The following TOPAZ1 variants were observed in gnomAD, a reference collection of about 807,000 sequenced individuals.
TOPAZ1 encodes the protein testis and ovary specific TOPAZ 1, also known as protein TOPAZ1.
Under a neutral mutation model 172.2 loss-of-function variants are expected in TOPAZ1, and 66 were observed. The ratio of observed to expected loss-of-function variants is 0.38; its 90% CI spans 0.31 to 0.47. The LOEUF is 0.47. TOPAZ1 is among the 20% of genes least tolerant of loss of function. The probability of loss-of-function intolerance (pLI) is 0.99; values close to 1 mark genes in which losing one functional copy is unlikely to be tolerated. For synonymous variants in TOPAZ1, 681 were observed against 683.9 expected (o/e 1.00, Z 0.07); for missense variants, 1,822 against 1,972.4 (o/e 0.92, Z 1.44).
intron 11 of TOPAZ1, among the ~76,000 whole-genome samples, chr3:44,288,952 C>G (rs1700107017): frequency 1.3e-5 from 2 of 152,184 alleles, no homozygotes; most frequent in Non-Finnish European, 2.9e-5. Context: ...ACCATAATAT[C>G]ATCATGGAGA....
chr3:44,302,395 G>A (rs1700282357), intron 12 of TOPAZ1, among the ~76,000 whole-genome samples: 1 of 152,162 alleles, frequency 6.6e-6, no homozygotes, highest in Non-Finnish European at 1.5e-5. Flanking sequence ...GGGTGACAGA[G>A]CAAGACTCCA....
At position 44,254,053 on chromosome 3, in the gene TOPAZ1, G is replaced by C. The variant is rs149238908; in HGVS notation, c.2766-915G>C. 2.0e-4 allele frequency among the ~76,000 whole-genome samples: 31 copies of C among 152,302 alleles called. No homozygotes were observed. The East Asian group carries it at 4.8e-3, about 24-fold the overall frequency. On this transcript the variant is annotated intron_variant, in intron 2 of 19. Transcript: ENST00000309765. ...TTCATCTGTTGGGCCTATGCTGTTG[G>C]CTTTAAGGACATCTTATCTCATTTA...
intron 1 of TOPAZ1, among the ~76,000 whole-genome samples, 184 bp from the exon 2 acceptor site, chr3:44,242,669 T>G (rs1699499646): frequency 6.6e-6 from 1 of 152,212 alleles, no homozygotes; most frequent in African/African-American, 2.4e-5. Flanking sequence ...GCCTTAGAAT[T>G]TATACAGGTT....
At chr3:44,312,950 T>A (rs915961463) in intron 16 of TOPAZ1, among the ~76,000 whole-genome samples, 2 of 152,234 alleles carry the variant, frequency 1.3e-5, no homozygotes, top group Non-Finnish European at 2.9e-5. Context: ...CAGAAATTGC[T>A]ATTATCCACT....
Position 44,266,900 on chromosome 3 carries a change from A to C in TOPAZ1, c.3021-97A>C, listed in dbSNP as rs1184972970. 3 of 959,260 alleles carry C rather than the reference A, an allele frequency of 3.1e-6. No homozygotes were observed. In the African/African-American group the frequency reaches 5.1e-5, roughly 16 times the overall value. The allele number at this position is 959,260 out of a possible 1,614,324, so 59.4% of individuals were successfully genotyped here. ...CAATTTGTAAAAAAATAAAAATAAAAAATTTTTTTAAAAAGAAATATCTGA... is the reference window on the plus strand; with the variant it reads ...CAATTTGTAAAAAAATAAAAATAAACAATTTTTTTAAAAAGAAATATCTGA... On this transcript the variant is annotated intron_variant, in intron 5 of 19. Transcript: ENST00000309765.
chr3:44,290,082 G>A (rs1700120005), intron 11 of TOPAZ1, among the ~76,000 whole-genome samples: 1 of 152,082 alleles, frequency 6.6e-6, no homozygotes, highest in Non-Finnish European at 1.5e-5. Flanking sequence ...AGGTCAAGAG[G>A]ATCATTTGAG....
At chr3:44,251,585 C>T (rs1699632280) in intron 2 of TOPAZ1, among the ~76,000 whole-genome samples, 1 of 152,136 alleles carries the variant, frequency 6.6e-6, no homozygotes, top group Non-Finnish European at 1.5e-5. Context: ...TTTACGAAAA[C>T]AATTATTTTC....
rs141108568 is a variant in TOPAZ1, at chr3:44,251,512, C to T, written c.2766-3456C>T. On this transcript the variant is annotated intron_variant, in intron 2 of 19. Coordinates refer to ENST00000309765, the MANE Select transcript of TOPAZ1 (RefSeq NM_001145030.2). ...TCTTCCAGCTATTTTGCCAATTACC[C>T]ACAATAAAGATCTGTTTTATATTAC... Among the ~76,000 whole-genome samples the T allele has an allele frequency of 4.1e-3, 631 of 152,184 alleles. 9 individuals are homozygous for T. Among genetic ancestry groups the T allele is most frequent in the African/African-American group, 0.015 (603 of 41,518 alleles).
chr3:44,287,980 C>T, intron 11 of TOPAZ1, 141 bp downstream of exon 11: 1 of 582,752 alleles, frequency 1.7e-6, no homozygotes, highest in Non-Finnish European at 3.0e-6. Context: ...TTCTTTTTCT[C>T]TTGAAATAGG....
chr3:44,309,241 T>C (rs1646898956), intron 15 of TOPAZ1, among the ~76,000 whole-genome samples: 1 of 152,166 alleles, frequency 6.6e-6, no homozygotes, highest in Admixed American at 6.5e-5. Context: ...GAATTAAGAA[T>C]TTTAGCTAAC....
At chr3:44,272,930 A>G (rs7621060) in intron 8 of TOPAZ1, among the ~76,000 whole-genome samples, 71,382 of 152,042 alleles carry the variant, frequency 0.47, 17,785 homozygotes, top group East Asian at 0.81. Flanking sequence ...TATATATTTT[A>G]GATACTAACC....
chr3:44,270,777 G>T lies in TOPAZ1; in HGVS notation c.3339G>T (p.Lys1113Asn). Reference protein sequence around the residue: ...TLRGCERPLCKFAHVPEQGDE... With the variant: ...TLRGCERPLCNFAHVPEQGDE... ...GTGGCTGTGAGCGACCACTGTGCAA[G>T]TTTGCTCATGTGCCTGAACAAGGGG... Residue 1113 changes from lysine to asparagine, a missense_variant, in exon 8 of 20, where the codon AAG becomes AAT. Around this residue, in one of 2 missense-constraint regions of TOPAZ1, gnomAD observed 1,489 missense variants for 1,490.8 expected, o/e 1.00. Transcript: ENST00000309765. 1.9e-6 allele frequency: 3 copies of T among 1,550,466 alleles called. No homozygotes were observed. The highest frequency in any genetic ancestry group is 1.7e-6 in the Non-Finnish European group (2 of 1,146,310).
At position 44,328,332 on chromosome 3, in the gene TOPAZ1, G is replaced by T; in HGVS notation, c.4758G>T (p.Glu1586Asp). ...TTCTAATTCCATCTTATTTATCTGA[G>T]ATTGAAATGCTCTTAGCTATTGAAA... is the stretch of plus-strand genomic sequence containing the variant. ...KLLLIPSYLS[E>D]IEMLLAIEIF... The change falls in exon 19 of 20, where the codon GAG (glutamate) becomes GAT (aspartate). Residue 1586 changes from glutamate to aspartate, a missense_variant. Physicochemically the swap from Glu to Asp is conservative, Grantham distance 45. Around this residue, in one of 2 missense-constraint regions of TOPAZ1, gnomAD observed 333 missense variants for 481.7 expected, o/e 0.69. Transcript: ENST00000309765. The T allele has an allele frequency of 6.6e-7, 1 of 1,520,022 alleles. No homozygotes were observed. Among genetic ancestry groups the T allele is most frequent in the South Asian group, 1.3e-5 (1 of 79,018 alleles). The allele number at this position is 1,520,022 out of a possible 1,614,324, so 94.2% of individuals were successfully genotyped here.
chr3:44,250,421 T>G (rs1244405041), intron 2 of TOPAZ1, among the ~76,000 whole-genome samples: 1 of 152,040 alleles, frequency 6.6e-6, no homozygotes, highest in Non-Finnish European at 1.5e-5. Context: ...TAAAAATTAT[T>G]AAATTTTTAT....
At chr3:44,284,437 G>A (rs780576778) in intron 9 of TOPAZ1, among the ~76,000 whole-genome samples, 1 of 152,084 alleles carries the variant, frequency 6.6e-6, no homozygotes, top group African/African-American at 2.4e-5. Flanking sequence ...ATATTGTAAC[G>A]TGTATCAGAA....
At chr3:44,271,840 G>A (rs1041679031) in intron 8 of TOPAZ1, among the ~76,000 whole-genome samples, 2 of 150,976 alleles carry the variant, frequency 1.3e-5, no homozygotes, top group South Asian at 4.2e-4. Context: ...AGATATCAAA[G>A]AAAAAAAAAC....
chr3:44,279,587 T>C (rs575826192), intron 8 of TOPAZ1, among the ~76,000 whole-genome samples: 5 of 152,126 alleles, frequency 3.3e-5, no homozygotes, highest in Non-Finnish European at 7.4e-5. Context: ...TTTTTTGTTA[T>C]TTTTTTACTT....
Position 44,243,663 on chromosome 3 carries a change from A to G in TOPAZ1, c.1157A>G (p.His386Arg), listed in dbSNP as rs541758259. The G allele has an allele frequency of 2.3e-5, 35 of 1,550,376 alleles. 1 individual carries two copies. The South Asian group carries it at 4.0e-4, about 18-fold the overall frequency. The change falls in exon 2 of 20, where the codon CAT becomes CGT. Residue 386 changes from histidine to arginine, a missense_variant. Around this residue, in one of 2 missense-constraint regions of TOPAZ1, gnomAD observed 1,489 missense variants for 1,490.8 expected, o/e 1.00. Coordinates refer to ENST00000309765, the MANE Select transcript of TOPAZ1 (RefSeq NM_001145030.2). ...SPLNVLRKVS[H>R]NTVSLMDHLL... is the part of the protein sequence containing the mutation. The stretch of plus-strand genomic sequence containing the variant: ...TTAAATGTTTTGAGAAAAGTAAGCC[A>G]TAATACAGTCTCTTTGATGGATCAT...
At chr3:44,325,783 A>C (rs1700593786) in intron 18 of TOPAZ1, among the ~76,000 whole-genome samples, 1 of 152,076 alleles carries the variant, frequency 6.6e-6, no homozygotes, top group South Asian at 2.1e-4. Flanking sequence ...AGCTGGGATT[A>C]CAGGCACATA....
Sources: allele counts gnomAD v4.1 joint callset (sites outside exome capture counted in the v4.1 genomes callset), GRCh38; gene constraint gnomAD v4.1.1; regional missense constraint gnomAD v4.1.1; transcripts MANE v1.5; gene names NCBI Gene and HGNC (gene_info 2026-07-23, HGNC 2026-07-21).